Variants in SLC6A19 observed in about 807,000 individuals in gnomAD.
The protein encoded by SLC6A19 is sodium-dependent neutral amino acid transporter B(0)AT1.
SLC6A19 carries 67 observed loss-of-function variants against 68.3 expected under a neutral mutation model. That is an observed-to-expected ratio of 0.98 (90% CI 0.81 to 1.20). The LOEUF (loss-of-function observed/expected upper bound fraction) is 1.20. Among genes scored for constraint, SLC6A19 ranks in the 50% most tolerant of loss-of-function variants. The probability of loss-of-function intolerance (pLI) is 0.00; values close to 1 mark genes in which losing one functional copy is unlikely to be tolerated. For missense variants in SLC6A19, 813 were observed against 851.6 expected (o/e 0.95, Z 0.56); for synonymous variants, 392 against 374.9 (o/e 1.05, Z -0.53).
At chr5:1,203,994 G>C (rs1561160554) in intron 1 of SLC6A19, among the ~76,000 whole-genome samples, 1 of 152,190 alleles carries the variant, frequency 6.6e-6, no homozygotes. Context: ...AAAACAGTGG[G>C]GCAGGCTGCG....
At chr5:1,218,299 A>C (rs1420011228) in intron 8 of SLC6A19, among the ~76,000 whole-genome samples, 1 of 152,164 alleles carries the variant, frequency 6.6e-6, no homozygotes, top group Non-Finnish European at 1.5e-5. Context: ...AGGGAGCCCC[A>C]CGGAGCTGGG....
At chr5:1,219,994 G>A (rs1746326184) in intron 10 of SLC6A19, among the ~76,000 whole-genome samples, 1 of 152,148 alleles carries the variant, frequency 6.6e-6, no homozygotes, top group East Asian at 1.9e-4. Context: ...GTGTGTGTGT[G>A]CAGGGGGGTG....
Position 1,222,065 on chromosome 5 carries a change from A to G in SLC6A19, c.*161A>G, listed in dbSNP as rs1746399758. On this transcript the variant is annotated 3_prime_UTR_variant, in exon 12 of 12. Coordinates refer to ENST00000304460, the MANE Select transcript of SLC6A19 (RefSeq NM_001003841.3). ...ACACGCATGTGCCATGTGTGCAGAT[A>G]TGTATCGTGTGTGCATGTACATGCA... 6.3e-6 allele frequency: 5 copies of G among 797,642 alleles called. No homozygotes were observed. Among genetic ancestry groups the G allele is most frequent in the East Asian group, 5.4e-5 (2 of 37,222 alleles). 49.4% of individuals were successfully genotyped at this position (797,642 alleles called of 1,614,324 possible).
chr5:1,204,334 G>A (rs1040051858), intron 1 of SLC6A19, among the ~76,000 whole-genome samples: 1 of 152,218 alleles, frequency 6.6e-6, no homozygotes, highest in Non-Finnish European at 1.5e-5. Flanking sequence ...AAACTCAGCC[G>A]CCCCACTCAC....
chr5:1,217,044 T>C (rs556882958), intron 8 of SLC6A19, 99 bp downstream of exon 8: 1 of 1,581,236 alleles, frequency 6.3e-7, no homozygotes, highest in Non-Finnish European at 8.6e-7. Context: ...AGGACGCAGA[T>C]GCTGAGCTTC....
chr5:1,223,143 C>T lies in SLC6A19; in HGVS notation c.*1239C>T, dbSNP rs1429271295. The T allele has an allele frequency of 2.0e-5, 3 of 152,358 alleles. No individual in the cohort carries two copies. Among genetic ancestry groups the T allele is most frequent in the African/African-American group, 4.8e-5 (2 of 41,574 alleles). 9.4% of individuals were successfully genotyped at this position (152,358 alleles called of 1,614,324 possible). A position where few individuals can be genotyped will look rare whatever the true frequency, so the allele number is the denominator to read the frequency against. On this transcript the variant is annotated 3_prime_UTR_variant, in exon 12 of 12. Transcript: ENST00000304460. ...CATCCACCGGGGCCCTGCCTCCAGTCGGCCGCTGCCGAGTCTCTGCGTTCT... is the reference window on the plus strand; with the variant it reads ...CATCCACCGGGGCCCTGCCTCCAGTTGGCCGCTGCCGAGTCTCTGCGTTCT...
chr5:1,205,564 C>T (rs1745830735), intron 1 of SLC6A19, among the ~76,000 whole-genome samples: 1 of 152,222 alleles, frequency 6.6e-6, no homozygotes, highest in Admixed American at 6.5e-5. Context: ...ACAACTGAGA[C>T]TCTCAAAAGA....
intron 1 of SLC6A19, 99 bp from the exon 2 acceptor site, chr5:1,208,647 T>C (rs1393910162): frequency 1.1e-5 from 17 of 1,544,494 alleles, no homozygotes; most frequent in South Asian, 5.6e-5. Context: ...GGGCCGGCCA[T>C]AGGGGCTGCA....
Position 1,221,990 on chromosome 5 carries a change from T to C in SLC6A19, c.*86T>C. The C allele has an allele frequency of 7.0e-7, 1 of 1,432,660 alleles. No homozygotes were observed. The highest frequency in any genetic ancestry group is 9.6e-7 in the Non-Finnish European group (1 of 1,036,974). The allele number at this position is 1,432,660 out of a possible 1,614,324, so 88.7% of individuals were successfully genotyped here. A position where few individuals can be genotyped will look rare whatever the true frequency, so the allele number is the denominator to read the frequency against. The stretch of plus-strand genomic sequence containing the variant: ...TGTGGGGTGGGGGCCGGGCTGCACC[T>C]GCATGTGTGTAAGCGTGAGTGTATG... On this transcript the variant is annotated 3_prime_UTR_variant, in exon 12 of 12. Transcript: ENST00000304460.
chr5:1,218,016 C>T (rs1478924280), intron 8 of SLC6A19, among the ~76,000 whole-genome samples: 1 of 151,904 alleles, frequency 6.6e-6, no homozygotes, highest in African/African-American at 2.4e-5. Flanking sequence ...CGCCTCCTCC[C>T]GCCACCTCCC....
At chr5:1,221,607 A>G (rs1746382986) in intron 11 of SLC6A19, 94 bp from the exon 12 acceptor site, 2 of 1,491,688 alleles carry the variant, frequency 1.3e-6, no homozygotes, top group Non-Finnish European at 1.9e-6. Context: ...CCCACAGGAC[A>G]GGAGGTGAGA....
At chr5:1,213,292 C>T (rs1226858036) in intron 4 of SLC6A19, among the ~76,000 whole-genome samples, 171 bp from the exon 5 acceptor site, 1 of 21,390 alleles carries the variant, frequency 4.7e-5, no homozygotes, top group Non-Finnish European at 8.9e-5. Flanking sequence ...TGCCCTGTCC[C>T]CCCAACAGGC....
In SLC6A19 at chr5:1,209,474, G is replaced by A. The variant is rs1410733934; in HGVS notation, c.343+588G>A. Among the ~76,000 whole-genome samples the A allele has an allele frequency of 6.6e-6, 1 of 151,998 alleles. No individual in the cohort carries two copies. Among genetic ancestry groups the A allele is most frequent in the Non-Finnish European group, 1.5e-5 (1 of 67,972 alleles). ...CCCTTCGGAAGCCTGCAGGCCTGGA[G>A]CAGAGCCTACACCCTCATCCCAGCC... On this transcript the variant is annotated intron_variant, in intron 2 of 11. Transcript: ENST00000304460. The surrounding 1 kb of genome is among the most constrained non-coding windows in gnomAD (Gnocchi z 5.5).
At position 1,215,629 on chromosome 5, in the gene SLC6A19, C is replaced by T. The variant is rs1162271252; in HGVS notation, c.888-929C>T. On this transcript the variant is annotated intron_variant, in intron 6 of 11. Transcript: ENST00000304460. The surrounding 1 kb of genome is among the most constrained non-coding windows in gnomAD (Gnocchi z 5.1). Reference sequence around the variant, plus strand: ...AATATTTCATGGTGTGCATGGGCTACGGTTTGTGCATATCCATCCATGGAC... The same window carrying T: ...AATATTTCATGGTGTGCATGGGCTATGGTTTGTGCATATCCATCCATGGAC... Among the ~76,000 whole-genome samples, 3 of 152,236 alleles carry T rather than the reference C, an allele frequency of 2.0e-5. No homozygotes were observed. The highest frequency in any genetic ancestry group is 2.1e-4 in the South Asian group (1 of 4,832).
chr5:1,208,156 G>A (rs975480394), intron 1 of SLC6A19, among the ~76,000 whole-genome samples: 12 of 152,132 alleles, frequency 7.9e-5, no homozygotes, highest in African/African-American at 2.9e-4. Context: ...TCCATCTTTA[G>A]AACTCTGTCT....
chr5:1,221,447 G>A, intron 11 of SLC6A19, 134 bp downstream of exon 11: 2 of 1,191,202 alleles, frequency 1.7e-6, no homozygotes, highest in South Asian at 1.3e-5. Context: ...TCACACTCAG[G>A]TGCAGTCCAG....
At chr5:1,211,781 G>A (rs1579512158) in intron 3 of SLC6A19, among the ~76,000 whole-genome samples, 1 of 152,096 alleles carries the variant, frequency 6.6e-6, no homozygotes, top group African/African-American at 2.4e-5. Context: ...GCATGTGCGT[G>A]CATGTGAGCA....
chr5:1,217,088 C>T, intron 8 of SLC6A19, 143 bp downstream of exon 8: 1 of 1,353,872 alleles, frequency 7.4e-7, no homozygotes, highest in Non-Finnish European at 1.0e-6. Context: ...GTCTGCTCTG[C>T]CTGGCGTCCA....
At chr5:1,219,460 G>T (rs368747278) in intron 9 of SLC6A19, 45 bp from the exon 10 acceptor site, 1 of 1,604,716 alleles carries the variant, frequency 6.2e-7, no homozygotes, top group Non-Finnish European at 8.5e-7. Context: ...CTGGCCGTGC[G>T]TGCAGCCCCT....
Sources: gnomAD v4.1 joint callset for allele counts (sites outside exome capture counted in the v4.1 genomes callset) on GRCh38, gnomAD v4.1.1 for gene constraint, Gnocchi (gnomAD v3.1) non-coding constraint, MANE v1.5 for transcripts, NCBI Gene and HGNC (gene_info 2026-07-23, HGNC 2026-07-21) for gene names.